The following PCDHGB1 variants were observed in gnomAD, a reference collection of about 807,000 sequenced individuals.
PCDHGB1 encodes the protein protocadherin gamma subfamily B, 1.
In PCDHGB1, 34 loss-of-function variants were observed where a neutral mutation model predicts 56.6. The observed-to-expected ratio is 0.60, with a 90% CI of 0.46 to 0.80. The LOEUF is 0.80. Among genes scored for constraint, PCDHGB1 ranks in the 30% least tolerant of loss-of-function variants. The probability of loss-of-function intolerance (pLI) is 0.00; values close to 1 mark genes in which losing one functional copy is unlikely to be tolerated. For synonymous variants in PCDHGB1, 561 were observed against 505.9 expected, an observed-to-expected ratio of 1.11 and a Z score of -1.46; for missense variants, 1,278 against 1,204.6, an observed-to-expected ratio of 1.06 and a Z score of -0.90.
intron 1 of PCDHGB1, chr5:141,399,391 G>C: frequency 2.5e-6 from 4 of 1,613,964 alleles, no homozygotes; most frequent in Non-Finnish European, 3.4e-6. Flanking sequence ...CACAGCCACA[G>C]ACAGGGGCAA....
intron 1 of PCDHGB1, chr5:141,384,125 A>T (rs376990785): frequency 1.2e-6 from 2 of 1,610,814 alleles, no homozygotes; most frequent in Non-Finnish European, 1.7e-6. Flanking sequence ...ACAACCAAAA[A>T]CTTGGACCGG....
rs1395556571 is a variant in PCDHGB1 at position 141,432,581 on chromosome 5, C to CT, written c.2410-62225dup. ...CCAGAACGCCTGGCTGTCCTACCGT[C>CT]TGCTCAAGGCCAGCGAGCCGGGACT... On this transcript the variant is annotated intron_variant, in intron 1 of 3. Coordinates refer to ENST00000523390, the MANE Select transcript of PCDHGB1 (RefSeq NM_018922.3). This position sits in a 1 kb window ranked among gnomAD's most constrained non-coding sequence, Gnocchi z 6.0. 6.2e-7 allele frequency: 1 copy of CT among 1,613,930 alleles called. No homozygotes were observed.
intron 2 of PCDHGB1, among the ~76,000 whole-genome samples, chr5:141,495,690 G>A (rs1261694815): frequency 1.3e-5 from 2 of 152,172 alleles, no homozygotes; most frequent in East Asian, 3.9e-4. Context: ...TGGCATAAGT[G>A]CTCAATAAAT....
intron 1 of PCDHGB1, chr5:141,430,885 C>T (rs771554381): frequency 5.6e-6 from 9 of 1,605,218 alleles, no homozygotes; most frequent in South Asian, 1.1e-5. Flanking sequence ...TGGAGAAAGG[C>T]TCTAGGGTGG....
intron 1 of PCDHGB1, among the ~76,000 whole-genome samples, chr5:141,466,449 T>C (rs2154569205): frequency 6.6e-6 from 1 of 152,358 alleles, no homozygotes; most frequent in Admixed American, 6.5e-5. Flanking sequence ...ATGTCTATGG[T>C]GTTGGCTATT....
At position 141,385,367 on chromosome 5, in the gene PCDHGB1, A is replaced by G. The variant is rs764038151; in HGVS notation, c.2409+32698A>G. 2.0e-5 allele frequency: 31 copies of G among 1,536,828 alleles called. 1 individual carries two copies. In the South Asian group the frequency reaches 3.9e-4, roughly 19 times the overall value. On this transcript the variant is annotated intron_variant, in intron 1 of 3. Coordinates refer to ENST00000523390, the MANE Select transcript of PCDHGB1 (RefSeq NM_018922.3). ...TTATTTCCATGAGGAATTTATTTGCATGATATTTCTCTATTATTTTGCAAA... is the reference window on the plus strand; with the variant it reads ...TTATTTCCATGAGGAATTTATTTGCGTGATATTTCTCTATTATTTTGCAAA...
chr5:141,366,145 C>A, intron 1 of PCDHGB1: 2 of 1,614,192 alleles, frequency 1.2e-6, no homozygotes, highest in Non-Finnish European at 1.7e-6. Context: ...CCTGGCTGTC[C>A]TACCGCCTGC....
chr5:141,397,700 G>A (rs2093557870), intron 1 of PCDHGB1, among the ~76,000 whole-genome samples: 2 of 152,224 alleles, frequency 1.3e-5, no homozygotes, highest in Admixed American at 1.3e-4. Flanking sequence ...AAAACCCAAC[G>A]TGATATTTCT....
At chr5:141,370,963 G>A in intron 1 of PCDHGB1, 1 of 1,614,018 alleles carries the variant, frequency 6.2e-7, no homozygotes, top group Non-Finnish European at 8.5e-7. Flanking sequence ...GATGGCAGTA[G>A]GTACCCAGAG....
At position 141,487,010 on chromosome 5, in the gene PCDHGB1, GC is replaced by G. The variant is rs2099638172; in HGVS notation, c.2410-7793del. ...TTGGGTTTCCTATCAGCTCCTGGAG[GC>G]CCCAGATCCCAGCCTGTTTGCAGTC... is the stretch of plus-strand genomic sequence containing the variant. On this transcript the variant is annotated intron_variant, in intron 1 of 3. Coordinates refer to ENST00000523390, the MANE Select transcript of PCDHGB1 (RefSeq NM_018922.3). This position sits in a 1 kb window ranked among gnomAD's most constrained non-coding sequence, Gnocchi z 5.0. 6.2e-7 allele frequency: 1 copy of G among 1,614,096 alleles called. No individual in the cohort carries two copies. Among genetic ancestry groups the G allele is most frequent in the Non-Finnish European group, 8.5e-7 (1 of 1,180,056 alleles).
rs374680392 is a variant in PCDHGB1, at chr5:141,350,390, C to G, written c.130C>G (p.Arg44Gly). 1.1e-4 allele frequency: 173 copies of G among 1,596,702 alleles called. No individual in the cohort carries two copies. The highest frequency in any genetic ancestry group is 1.4e-4 in the Non-Finnish European group (167 of 1,169,146). ...TCCAGAGGAGCTAGCCAACGGCTCA[C>G]GGGTGGGGAAACTTGCCAAGGATCT... ...TIPEELANGS[R>G]VGKLAKDLGL... is the part of the protein sequence containing the mutation. Residue 44 changes from arginine (R) to glycine (G), a missense_variant, in exon 1 of 4, where the codon CGG becomes GGG. Transcript: ENST00000523390.
intron 1 of PCDHGB1, chr5:141,403,638 A>T (rs373036061): frequency 1.9e-6 from 3 of 1,613,906 alleles, no homozygotes; most frequent in Non-Finnish European, 2.5e-6. Flanking sequence ...GTGCGCATCC[A>T]TGTGACAGTG....
chr5:141,505,377 C>G lies in PCDHGB1; in HGVS notation c.2469-16C>G, dbSNP rs1368451336. 1.9e-6 allele frequency: 3 copies of G among 1,614,036 alleles called. No homozygotes were observed. In the East Asian group the frequency reaches 6.7e-5, roughly 36 times the overall value. On this transcript the variant is annotated splice_polypyrimidine_tract_variant and intron_variant, in intron 2 of 3. Coordinates refer to ENST00000523390, the MANE Select transcript of PCDHGB1 (RefSeq NM_018922.3). Reference sequence around the variant, plus strand: ...CGGCCTGGGAGTCTGTGCTCACCATCCTACTCTCTCCCCAGCTCCCAAAAT... The same window carrying G: ...CGGCCTGGGAGTCTGTGCTCACCATGCTACTCTCTCCCCAGCTCCCAAAAT...
chr5:141,431,068 A>G lies in PCDHGB1; in HGVS notation c.2410-63739A>G. 2 of 1,614,218 alleles carry G rather than the reference A, an allele frequency of 1.2e-6. No individual in the cohort carries two copies. Among genetic ancestry groups the G allele is most frequent in the South Asian group, 1.1e-5 (1 of 91,088 alleles). On this transcript the variant is annotated intron_variant, in intron 1 of 3. Coordinates refer to ENST00000523390, the MANE Select transcript of PCDHGB1 (RefSeq NM_018922.3). The surrounding 1 kb of genome is among the most constrained non-coding windows in gnomAD (Gnocchi z 4.8). ...TCTGTATGGGGGCCATCAAGTGTCA[A>G]TTAAATCTAGACATTCTGATGGAGG...
rs535871341 is a variant in PCDHGB1 at position 141,382,152 on chromosome 5, A to G, written c.2409+29483A>G. Among the ~76,000 whole-genome samples, 62 of 152,216 alleles carry G rather than the reference A, an allele frequency of 4.1e-4. 1 individual carries two copies. Among genetic ancestry groups the G allele is most frequent in the African/African-American group, 1.4e-3 (59 of 41,532 alleles). The stretch of plus-strand genomic sequence containing the variant: ...CCCCCCTCTCATTTTTTAAACGGTT[A>G]AAATGAAGGTGTTAGACCGTCTCTA... On this transcript the variant is annotated intron_variant, in intron 1 of 3. Transcript: ENST00000523390.
chr5:141,394,535 C>T, intron 1 of PCDHGB1: 1 of 1,614,210 alleles, frequency 6.2e-7, no homozygotes, highest in Non-Finnish European at 8.5e-7. Flanking sequence ...GTTCCACTGG[C>T]GTGGAGCTGG....
At position 141,374,917 on chromosome 5, in the gene PCDHGB1, T is replaced by C. The variant is rs1385873751; in HGVS notation, c.2409+22248T>C. 7.4e-6 allele frequency: 12 copies of C among 1,613,816 alleles called. No homozygotes were observed. In the Admixed American group the frequency reaches 1.5e-4, roughly 20 times the overall value. Reference sequence around the variant, plus strand: ...ATGAAGGAGTCCACGGGGAAGTAACTTATTCCTTTGTGAAGATTACAGAAA... The same window carrying C: ...ATGAAGGAGTCCACGGGGAAGTAACCTATTCCTTTGTGAAGATTACAGAAA... On this transcript the variant is annotated intron_variant, in intron 1 of 3. Coordinates refer to ENST00000523390, the MANE Select transcript of PCDHGB1 (RefSeq NM_018922.3).
At chr5:141,437,011 T>C (rs2097858173) in intron 1 of PCDHGB1, among the ~76,000 whole-genome samples, 1 of 152,236 alleles carries the variant, frequency 6.6e-6, no homozygotes, top group Non-Finnish European at 1.5e-5. Flanking sequence ...GGATCTTAGA[T>C]AATTTCACCA....
intron 1 of PCDHGB1, among the ~76,000 whole-genome samples, chr5:141,401,330 A>G (rs1377404173): frequency 6.6e-6 from 1 of 152,218 alleles, no homozygotes. Context: ...CAACAAGAGC[A>G]AAACTCCATC....
Sources: allele counts gnomAD v4.1 joint callset (sites outside exome capture counted in the v4.1 genomes callset), GRCh38; gene constraint gnomAD v4.1.1; non-coding constraint Gnocchi (gnomAD v3.1); transcripts MANE v1.5; gene names NCBI Gene and HGNC (gene_info 2026-07-23, HGNC 2026-07-21).